FHOD3: variants seen among roughly 807,000 people sequenced by gnomAD.
FHOD3 encodes the protein FH1/FH2 domain-containing protein 3.
FHOD3 carries 90 observed loss-of-function variants against 173.0 expected under a neutral mutation model. The ratio of observed to expected loss-of-function variants is 0.52; its 90% confidence interval spans 0.44 to 0.62. The LOEUF is 0.62. Among genes scored for constraint, FHOD3 ranks in the 20% least tolerant of loss-of-function variants. The probability of loss-of-function intolerance (pLI) is 0.00; values close to 1 mark genes in which losing one functional copy is unlikely to be tolerated. For synonymous variants in FHOD3, 828 were observed against 823.0 expected (o/e 1.01, Z -0.10); for missense variants, 1,945 against 2,034.7 (o/e 0.96, Z 0.85).
At chr18:36,640,579 C>G (rs1194148675) in intron 10 of FHOD3, among the ~76,000 whole-genome samples, 1 of 152,190 alleles carries the variant, frequency 6.6e-6, no homozygotes, top group African/African-American at 2.4e-5. Flanking sequence ...CTATGAATAT[C>G]TTATATGTCC....
chr18:36,352,504 A>C (rs1598808279), intron 1 of FHOD3, among the ~76,000 whole-genome samples: 2 of 152,184 alleles, frequency 1.3e-5, no homozygotes, highest in African/African-American at 4.8e-5. Context: ...GCGACTGTGC[A>C]TTGGTGGCTT....
chr18:36,662,054 C>A (rs1324507476), intron 14 of FHOD3, among the ~76,000 whole-genome samples: 1 of 152,198 alleles, frequency 6.6e-6, no homozygotes, highest in African/African-American at 2.4e-5. Context: ...AATAAAACTA[C>A]AGGAATATTT....
intron 19 of FHOD3, among the ~76,000 whole-genome samples, chr18:36,727,317 T>C (rs918064605): frequency 6.6e-6 from 1 of 152,136 alleles, no homozygotes; most frequent in Non-Finnish European, 1.5e-5. Flanking sequence ...CTTGCTCTTG[T>C]AAGTGCTGCT....
chr18:36,519,995 A>G (rs553017334), intron 5 of FHOD3, among the ~76,000 whole-genome samples: 18 of 129,504 alleles, frequency 1.4e-4, no homozygotes, highest in Non-Finnish European at 2.4e-4. Context: ...GTTTTAGTCT[A>G]TCACCCTGGC....
intron 5 of FHOD3, among the ~76,000 whole-genome samples, chr18:36,546,072 A>C (rs530698014): frequency 6.6e-6 from 1 of 152,342 alleles, no homozygotes; most frequent in East Asian, 1.9e-4. Context: ...GCTTTTCCTC[A>C]TGGAGAAGTA....
intron 11 of FHOD3, 42 bp downstream of exon 11, chr18:36,649,447 G>C: frequency 1.4e-6 from 2 of 1,451,622 alleles, no homozygotes; most frequent in East Asian, 2.5e-5. Context: ...CTAAAAGTGG[G>C]AGACTCCTTC....
At chr18:36,623,602 A>T (rs1599921249) in intron 9 of FHOD3, among the ~76,000 whole-genome samples, 1 of 152,200 alleles carries the variant, frequency 6.6e-6, no homozygotes, top group African/African-American at 2.4e-5. Flanking sequence ...AGAATTCCCA[A>T]TGAGATTTTG....
intron 24 of FHOD3, among the ~76,000 whole-genome samples, chr18:36,749,891 G>C (rs2042327641): frequency 6.6e-6 from 1 of 151,170 alleles, no homozygotes; most frequent in East Asian, 1.9e-4. Flanking sequence ...GATGTGAGAT[G>C]GTATCTCATT....
intron 10 of FHOD3, among the ~76,000 whole-genome samples, chr18:36,646,257 T>C (rs1049232250): frequency 3.1e-5 from 4 of 130,034 alleles, no homozygotes; most frequent in African/African-American, 9.8e-5. Context: ...TATCAACAAA[T>C]AGAAAATAAA....
rs948674657 is a variant in FHOD3, at chr18:36,709,081, G to C, written c.2237-14G>C. ...ATCTGTCGTCAATATAATCTCCATT[G>C]TTGTCTCCACCAGCAAGTGCCGGGG... On this transcript the variant is annotated splice_polypyrimidine_tract_variant and intron_variant, in intron 17 of 28. Transcript: ENST00000590592. 2.5e-6 allele frequency: 4 copies of C among 1,610,046 alleles called. No homozygotes were observed. The highest frequency in any genetic ancestry group is 3.4e-6 in the Non-Finnish European group (4 of 1,176,962).
At chr18:36,626,687 A>C (rs1365868380) in intron 10 of FHOD3, among the ~76,000 whole-genome samples, 1 of 152,218 alleles carries the variant, frequency 6.6e-6, no homozygotes, top group African/African-American at 2.4e-5. Flanking sequence ...TGGCTGGATC[A>C]TCCTCCCTCA....
intron 25 of FHOD3, among the ~76,000 whole-genome samples, chr18:36,756,416 T>C (rs1022231916): frequency 6.6e-5 from 10 of 152,150 alleles, no homozygotes; most frequent in African/African-American, 2.4e-4. Flanking sequence ...ATAGAGGGAA[T>C]GGAATGAGGA....
intron 7 of FHOD3, among the ~76,000 whole-genome samples, chr18:36,602,196 A>G (rs993652923): frequency 1.3e-5 from 2 of 152,170 alleles, no homozygotes; most frequent in African/African-American, 4.8e-5. Context: ...AGTAGATGTA[A>G]TATACTTCCG....
At chr18:36,638,561 G>A (rs1032316934) in intron 10 of FHOD3, among the ~76,000 whole-genome samples, 10 of 152,270 alleles carry the variant, frequency 6.6e-5, no homozygotes, top group Non-Finnish European at 1.0e-4. Context: ...CATAGGTCGT[G>A]GCTATTGATG....
Position 36,597,463 on chromosome 18 carries a change from G to A in FHOD3, c.718+2565G>A, listed in dbSNP as rs191683083. On this transcript the variant is annotated intron_variant, in intron 7 of 28. Transcript: ENST00000590592. ...TGTTTTTGAGATGGAGTCTCACTCTGTTGCCCAGGCTAGAGTGCAGTGTCA... is the reference window on the plus strand; with the variant it reads ...TGTTTTTGAGATGGAGTCTCACTCTATTGCCCAGGCTAGAGTGCAGTGTCA... Among the ~76,000 whole-genome samples the A allele has an allele frequency of 3.9e-5, 6 of 152,230 alleles. No homozygotes were observed. In the East Asian group the frequency reaches 1.2e-3, roughly 29 times the overall value.
chr18:36,300,399 G>A (rs2091928185), intron 1 of FHOD3, among the ~76,000 whole-genome samples: 3 of 152,208 alleles, frequency 2.0e-5, no homozygotes, highest in African/African-American at 4.8e-5. Context: ...TTATAAATGA[G>A]TAAAAGCCTT....
intron 20 of FHOD3, among the ~76,000 whole-genome samples, chr18:36,733,821 A>G (rs927240829): frequency 6.6e-5 from 10 of 152,168 alleles, no homozygotes; most frequent in Admixed American, 5.2e-4. Flanking sequence ...CTTATGAGGT[A>G]CATATGCTCC....
At chr18:36,672,868 A>G (rs538189015) in intron 14 of FHOD3, among the ~76,000 whole-genome samples, 2 of 152,292 alleles carry the variant, frequency 1.3e-5, no homozygotes, top group Non-Finnish European at 2.9e-5. Flanking sequence ...TATATTTTGA[A>G]TGGTTCTTAA....
At chr18:36,509,742 T>G (rs1020463627) in intron 4 of FHOD3, among the ~76,000 whole-genome samples, 1 of 152,238 alleles carries the variant, frequency 6.6e-6, no homozygotes, top group Non-Finnish European at 1.5e-5. Context: ...AGTTCTCTGA[T>G]TTGAAAACAT....
Sources: gnomAD v4.1 joint callset for allele counts (sites outside exome capture counted in the v4.1 genomes callset) on GRCh38, gnomAD v4.1.1 for gene constraint, MANE v1.5 for transcripts, NCBI Gene and HGNC (gene_info 2026-07-23, HGNC 2026-07-21) for gene names.